The following RERE variants were observed in gnomAD, a reference collection of about 807,000 sequenced individuals.
RERE encodes arginine-glutamic acid dipeptide repeats protein.
Under a neutral mutation model 146.1 loss-of-function variants are expected in RERE, and 40 were observed. The ratio of observed to expected loss-of-function variants is 0.27; its 90% CI spans 0.21 to 0.36. The LOEUF (loss-of-function observed/expected upper bound fraction) is 0.36, where lower values mean the gene tolerates loss of function less well. RERE is among the 10% of genes least tolerant of loss of function. The pLI, the probability that RERE is intolerant of heterozygous loss-of-function variation, is 1.00. For synonymous variants in RERE, 1,003 were observed against 866.0 expected, an observed-to-expected ratio of 1.16 and a Z score of -2.78; for missense variants, 1,933 against 2,138.7, an observed-to-expected ratio of 0.90 and a Z score of 1.90.
intron 1 of RERE, among the ~76,000 whole-genome samples, chr1:8,737,872 A>G (rs973150323): frequency 4.6e-5 from 7 of 152,278 alleles, no homozygotes; most frequent in Non-Finnish European, 1.0e-4. Flanking sequence ...GCAAAATGTT[A>G]GCATAAATCA....
At chr1:8,733,445 T>C (rs1272061320) in intron 1 of RERE, among the ~76,000 whole-genome samples, 1 of 152,246 alleles carries the variant, frequency 6.6e-6, no homozygotes, top group Non-Finnish European at 1.5e-5. Context: ...TTGACAATAA[T>C]GTCTTCCAAG....
chr1:8,808,795 A>C (rs1251575304), intron 1 of RERE, among the ~76,000 whole-genome samples: 1 of 152,164 alleles, frequency 6.6e-6, no homozygotes, highest in Non-Finnish European at 1.5e-5. Context: ...GCATCTCCAG[A>C]GAGAGATTTT....
At chr1:8,421,738 A>C (rs1195536391) in intron 12 of RERE, among the ~76,000 whole-genome samples, 1 of 152,126 alleles carries the variant, frequency 6.6e-6, no homozygotes, top group African/African-American at 2.4e-5. Flanking sequence ...CAAAAAACCC[A>C]AATTATCCGC....
intron 1 of RERE, chr1:8,786,290 CT>C (rs1203854413): frequency 4.3e-6 from 4 of 940,498 alleles, no homozygotes; most frequent in Middle Eastern, 2.9e-4. Flanking sequence ...TTCATTCTAT[CT>C]TGTGGAGAAA....
intron 1 of RERE, among the ~76,000 whole-genome samples, chr1:8,657,127 CCT>C (rs1480733508): frequency 6.6e-6 from 1 of 151,682 alleles, no homozygotes; most frequent in Non-Finnish European, 1.5e-5. Context: ...GTGGTAAAAC[CCT>C]GTCTCTACTA....
At chr1:8,438,983 C>A (rs1467090293) in intron 11 of RERE, among the ~76,000 whole-genome samples, 5 of 152,100 alleles carry the variant, frequency 3.3e-5, no homozygotes, top group African/African-American at 1.2e-4. Context: ...AAAAAAGGTC[C>A]ATTTCTGAGG....
At chr1:8,412,925 G>T (rs920880529) in intron 12 of RERE, among the ~76,000 whole-genome samples, 1 of 152,168 alleles carries the variant, frequency 6.6e-6, no homozygotes, top group African/African-American at 2.4e-5. Context: ...CCAGATCTCC[G>T]AAGCTTTGTA....
At chr1:8,374,500 T>A (rs1272512873) in intron 12 of RERE, among the ~76,000 whole-genome samples, 1 of 152,192 alleles carries the variant, frequency 6.6e-6, no homozygotes, top group African/African-American at 2.4e-5. Flanking sequence ...GTGGATGAAC[T>A]CAGCCATTTG....
intron 19 of RERE, among the ~76,000 whole-genome samples, chr1:8,359,525 A>G (rs921950136): frequency 2.0e-5 from 3 of 152,184 alleles, no homozygotes; most frequent in African/African-American, 7.2e-5. Context: ...GCCCTCCGGT[A>G]GGAGGACGCA....
At position 8,458,240 on chromosome 1, in the gene RERE, C is replaced by T. The variant is rs572817677; in HGVS notation, c.1203+7685G>A. On this transcript the variant is annotated intron_variant, in intron 11 of 22. Transcript: ENST00000400908. ...CTCAAGTCCCCTTGTGCCTTGTTCTCATTTTTTAAATGAACAGAGAAAGAT... is the reference window on the plus strand; with the variant it reads ...CTCAAGTCCCCTTGTGCCTTGTTCTTATTTTTTAAATGAACAGAGAAAGAT... 1.2e-4 allele frequency among the ~76,000 whole-genome samples: 19 copies of T among 152,170 alleles called. No homozygotes were observed. In the South Asian group the frequency reaches 3.5e-3, roughly 28 times the overall value.
At chr1:8,559,304 A>C (rs1295951849) in intron 4 of RERE, among the ~76,000 whole-genome samples, 3 of 130,096 alleles carry the variant, frequency 2.3e-5, no homozygotes, top group East Asian at 2.4e-4. Context: ...AAAAAAAAAA[A>C]CAGAACAAAA....
At chr1:8,544,631 T>C (rs1197155964) in intron 6 of RERE, among the ~76,000 whole-genome samples, 25 of 152,172 alleles carry the variant, frequency 1.6e-4, no homozygotes, top group Non-Finnish European at 2.1e-4. Context: ...GGGAAGTTTT[T>C]AGAGGGAAGG....
In RERE at chr1:8,360,257, AC is replaced by A. The variant is rs745806637; in HGVS notation, c.3249del (p.Ser1084ArgfsTer173). The A allele has an allele frequency of 1.1e-5, 17 of 1,563,936 alleles. No homozygotes were observed. Among genetic ancestry groups the A allele is most frequent in the Admixed American group, 7.4e-5 (4 of 54,294 alleles). The part of the protein sequence containing the change: ...AAASGGSIAG[G>X]SSCPLPTVQI... ...TGGACGGTGGGGAGTGGGCAGGACGACCCCCCCGCTATGCTGCCTCCTGAAG... is the reference window on the plus strand; with the variant it reads ...TGGACGGTGGGGAGTGGGCAGGACGACCCCCCGCTATGCTGCCTCCTGAAG... On this transcript the variant is annotated frameshift_variant, in exon 18 of 23. Coordinates refer to ENST00000400908, the MANE Select transcript of RERE (RefSeq NM_001042681.2). LOFTEE classifies it high-confidence loss of function.
intron 1 of RERE, among the ~76,000 whole-genome samples, chr1:8,691,935 C>T (rs1267471872): frequency 6.6e-6 from 1 of 152,208 alleles, no homozygotes; most frequent in Non-Finnish European, 1.5e-5. Context: ...ATATGCACTG[C>T]TGCAATTATT....
At chr1:8,539,744 T>G (rs1433531859) in intron 7 of RERE, among the ~76,000 whole-genome samples, 5 of 152,218 alleles carry the variant, frequency 3.3e-5, no homozygotes, top group African/African-American at 1.2e-4. Flanking sequence ...TACTCTTTGA[T>G]GAGCATTATA....
chr1:8,623,929 C>G (rs549151626), intron 3 of RERE, among the ~76,000 whole-genome samples: 1 of 152,316 alleles, frequency 6.6e-6, no homozygotes, highest in South Asian at 2.1e-4. Context: ...CCACTGGAAA[C>G]TATTCTCTGA....
At position 8,790,746 on chromosome 1, in the gene RERE, A is replaced by G. The variant is rs183901676; in HGVS notation, c.-145+26414T>C. ...TTATAGGCATGCGCCACCATGCCCA[A>G]ATAATTTTTTTGTATTTTTAGTAGA... On this transcript the variant is annotated intron_variant, in intron 1 of 22. Transcript: ENST00000400908. Among the ~76,000 whole-genome samples the G allele has an allele frequency of 8.5e-4, 130 of 152,258 alleles. 1 individual carries two copies. The highest frequency in any genetic ancestry group is 6.8e-3 in the Middle Eastern group (2 of 294).
At chr1:8,361,623 GC>G in intron 17 of RERE, 133 bp from the exon 18 acceptor site, 1 of 1,370,970 alleles carries the variant, frequency 7.3e-7, no homozygotes, top group Admixed American at 1.8e-5. Context: ...CACAGGTCGT[GC>G]CCTGACCCAG....
intron 1 of RERE, chr1:8,703,308 G>A (rs904219475): frequency 7.3e-5 from 11 of 150,356 alleles, no homozygotes; most frequent in Non-Finnish European, 1.6e-4. Flanking sequence ...GGCTAGGGAG[G>A]CGGCCGCCCT....
Sources: allele counts gnomAD v4.1 joint callset (sites outside exome capture counted in the v4.1 genomes callset), GRCh38; gene constraint gnomAD v4.1.1; transcripts MANE v1.5; gene names NCBI Gene and HGNC (gene_info 2026-07-23, HGNC 2026-07-21).